Variants in SRRM4 observed in about 807,000 individuals in gnomAD.
SRRM4 encodes the protein serine/arginine repetitive matrix 4, also known as serine/arginine repetitive matrix protein 4.
SRRM4 carries 33 observed loss-of-function variants against 68.9 expected under a neutral mutation model. The ratio of observed to expected loss-of-function variants is 0.48; its 90% CI spans 0.36 to 0.64. The LOEUF (loss-of-function observed/expected upper bound fraction) is 0.64. Ranked by LOEUF, SRRM4 falls within the 30% of genes least tolerant of loss-of-function variation. SRRM4 has a pLI of 0.00. For missense variants in SRRM4, 817 were observed against 827.1 expected, an observed-to-expected ratio of 0.99 and a Z score of 0.15; for synonymous variants, 318 against 318.8, an observed-to-expected ratio of 1.00 and a Z score of 0.03.
rs1325500662 is a variant in SRRM4 at position 119,154,642 on chromosome 12, G to A, written c.1532+259G>A. 1.3e-5 allele frequency among the ~76,000 whole-genome samples: 2 copies of A among 152,192 alleles called. No individual in the cohort carries two copies. The highest frequency in any genetic ancestry group is 2.4e-5 in the African/African-American group (1 of 41,442). On this transcript the variant is annotated intron_variant, in intron 12 of 12. Coordinates refer to ENST00000267260, the MANE Select transcript of SRRM4 (RefSeq NM_194286.4). The surrounding 1 kb of genome is among the most constrained non-coding windows in gnomAD (Gnocchi z 4.7). ...AGAATCGGGTGTGGCATGGGGGAGT[G>A]GCCAAAGCCTGAGGGTGGAGCTGGG...
At chr12:119,105,172 G>A (rs544704054) in intron 2 of SRRM4, among the ~76,000 whole-genome samples, 21 of 152,076 alleles carry the variant, frequency 1.4e-4, no homozygotes, top group African/African-American at 4.8e-4. Flanking sequence ...TGGCTGCATA[G>A]TATTCCATGG....
At chr12:119,144,687 C>T (rs1954389520) in intron 8 of SRRM4, 2 of 152,100 alleles carry the variant, frequency 1.3e-5, no homozygotes, top group South Asian at 4.1e-4. Flanking sequence ...TATTTTTGGT[C>T]AGACTGTTTA....
At chr12:119,128,669 G>C (rs150088674) in intron 7 of SRRM4, among the ~76,000 whole-genome samples, 2 of 152,302 alleles carry the variant, frequency 1.3e-5, no homozygotes, top group East Asian at 3.9e-4. Flanking sequence ...ATCTGAGCGA[G>C]GTCACATAGC....
chr12:119,105,883 T>G (rs1954105011), intron 2 of SRRM4, among the ~76,000 whole-genome samples: 1 of 152,248 alleles, frequency 6.6e-6, no homozygotes, highest in Non-Finnish European at 1.5e-5. Flanking sequence ...GTTTTAGTCA[T>G]GAAGTCCTTG....
At chr12:119,031,819 T>G (rs1288764671) in intron 1 of SRRM4, among the ~76,000 whole-genome samples, 1 of 152,064 alleles carries the variant, frequency 6.6e-6, no homozygotes, top group Non-Finnish European at 1.5e-5. Context: ...AAAGTTTTAA[T>G]AGAATAAAGA....
chr12:119,022,959 A>G (rs183233567), intron 1 of SRRM4, among the ~76,000 whole-genome samples: 9 of 152,308 alleles, frequency 5.9e-5, no homozygotes, highest in Admixed American at 3.9e-4. Context: ...AGACACAATG[A>G]GCAGAGCATC....
chr12:119,126,975 C>T (rs1404545769), intron 7 of SRRM4, among the ~76,000 whole-genome samples: 5 of 147,966 alleles, frequency 3.4e-5, no homozygotes, highest in Admixed American at 6.8e-5. Context: ...AACCAGACAC[C>T]GCATATTCTC....
chr12:119,079,676 G>C (rs921537555), intron 1 of SRRM4, among the ~76,000 whole-genome samples: 39 of 152,196 alleles, frequency 2.6e-4, no homozygotes, highest in African/African-American at 9.4e-4. Flanking sequence ...GCAAAGGAAA[G>C]AGGACTTGGG....
chr12:119,039,720 A>T (rs1953653216), intron 1 of SRRM4, among the ~76,000 whole-genome samples: 1 of 152,220 alleles, frequency 6.6e-6, no homozygotes, highest in Non-Finnish European at 1.5e-5. Flanking sequence ...TATCATAAAT[A>T]TCCAGCACTG....
In SRRM4 at chr12:119,157,812, G is replaced by A. The variant is rs570404316; in HGVS notation, c.*1014G>A. 1.8e-4 allele frequency: 25 copies of A among 139,478 alleles called. No homozygotes were observed. In the South Asian group the frequency reaches 4.8e-3, roughly 27 times the overall value. 8.6% of individuals were successfully genotyped at this position (139,478 alleles called of 1,614,324 possible). A position where few individuals can be genotyped will look rare whatever the true frequency, so the allele number is the denominator to read the frequency against. ...CCCTCCCCTCTGCCCAGGCTGCCAC[G>A]CCCTGGATGCCACCCAGTGCAGCCT... On this transcript the variant is annotated 3_prime_UTR_variant, in exon 13 of 13. Coordinates refer to ENST00000267260, the MANE Select transcript of SRRM4 (RefSeq NM_194286.4). This position sits in a 1 kb window ranked among gnomAD's most constrained non-coding sequence, Gnocchi z 4.1.
intron 1 of SRRM4, among the ~76,000 whole-genome samples, chr12:119,063,884 T>C (rs1002553202): frequency 1.2e-4 from 18 of 152,146 alleles, no homozygotes; most frequent in Admixed American, 4.6e-4. Flanking sequence ...GATGGGGAAA[T>C]TGAGATCAGT....
In SRRM4 at chr12:119,075,413, GTGA is replaced by G. The variant is rs1405701073; in HGVS notation, c.132-26816_132-26814del. Among the ~76,000 whole-genome samples the G allele has an allele frequency of 2.6e-5, 4 of 151,562 alleles. No homozygotes were observed. The East Asian group carries it at 5.8e-4, about 22-fold the overall frequency. ...GATGATGATGATGATGATAATGATGGTGATGATGACAGTAATGATGATGATGGT... is the reference window on the plus strand; with the variant it reads ...GATGATGATGATGATGATAATGATGGTGATGACAGTAATGATGATGATGGT... On this transcript the variant is annotated intron_variant, in intron 1 of 12. Coordinates refer to ENST00000267260, the MANE Select transcript of SRRM4 (RefSeq NM_194286.4).
chr12:119,125,347 T>C (rs1371950748), intron 6 of SRRM4, 34 bp from the exon 7 acceptor site: 17 of 1,579,128 alleles, frequency 1.1e-5, no homozygotes, highest in Non-Finnish European at 1.4e-5. Flanking sequence ...CTCTCTCTCC[T>C]CTCCTCTGAC....
At chr12:119,029,260 C>T (rs1953570916) in intron 1 of SRRM4, among the ~76,000 whole-genome samples, 1 of 152,110 alleles carries the variant, frequency 6.6e-6, no homozygotes, top group African/African-American at 2.4e-5. Context: ...GTGATTTCTC[C>T]TTTGTCACTG....
chr12:119,076,334 A>G (rs1328726919), intron 1 of SRRM4, among the ~76,000 whole-genome samples: 2 of 152,278 alleles, frequency 1.3e-5, no homozygotes, highest in East Asian at 3.9e-4. Flanking sequence ...AGATGGAAAA[A>G]AAAATGGCTT....
chr12:119,087,043 G>T (rs1273822860), intron 1 of SRRM4, among the ~76,000 whole-genome samples: 1 of 152,204 alleles, frequency 6.6e-6, no homozygotes, highest in Non-Finnish European at 1.5e-5. Context: ...CACCCCAAGA[G>T]GTGTACTATG....
intron 1 of SRRM4, among the ~76,000 whole-genome samples, chr12:119,067,446 C>T (rs1052579750): frequency 1.8e-4 from 28 of 152,164 alleles, no homozygotes; most frequent in African/African-American, 6.5e-4. Context: ...GTGTTTCATG[C>T]CTGTAATCCT....
chr12:119,080,052 G>A (rs1188674670), intron 1 of SRRM4, among the ~76,000 whole-genome samples: 1 of 152,120 alleles, frequency 6.6e-6, no homozygotes, highest in Non-Finnish European at 1.5e-5. Flanking sequence ...GGAGAACTCT[G>A]ATTCTTAAAG....
intron 1 of SRRM4, among the ~76,000 whole-genome samples, chr12:119,086,645 A>T (rs559836952): frequency 6.6e-6 from 1 of 152,308 alleles, no homozygotes; most frequent in South Asian, 2.1e-4. Context: ...GGGCCCCTTC[A>T]TGGGGAAGAG....
Sources: gnomAD v4.1 joint callset for allele counts (sites outside exome capture counted in the v4.1 genomes callset) on GRCh38, gnomAD v4.1.1 for gene constraint, Gnocchi (gnomAD v3.1) non-coding constraint, MANE v1.5 for transcripts, NCBI Gene and HGNC (gene_info 2026-07-23, HGNC 2026-07-21) for gene names.